Variants in PID1 observed in about 807,000 individuals in gnomAD.
The protein encoded by PID1 is PTB-containing, cubilin and LRP1-interacting protein.
In PID1, 10 loss-of-function variants were observed where a neutral mutation model predicts 19.1. The ratio of observed to expected loss-of-function variants is 0.52; its 90% confidence interval spans 0.32 to 0.89. The LOEUF (loss-of-function observed/expected upper bound fraction) is 0.89, where lower values mean the gene tolerates loss of function less well. Ranked by LOEUF, PID1 falls within the 40% of genes least tolerant of loss-of-function variation. The pLI is 0.03. For missense variants in PID1, 248 were observed against 285.3 expected (o/e 0.87, Z 0.94); for synonymous variants, 130 against 116.0 (o/e 1.12, Z -0.78).
At chr2:229,251,319 A>G (rs10498235) in intron 1 of PID1, among the ~76,000 whole-genome samples, 21,202 of 151,920 alleles carry the variant, frequency 0.14, 1,664 homozygotes, top group South Asian at 0.18. Context: ...ATGCACAGAA[A>G]GTTAACAGTG....
chr2:229,220,428 A>C (rs529751255), intron 1 of PID1, among the ~76,000 whole-genome samples: 1 of 152,324 alleles, frequency 6.6e-6, no homozygotes, highest in South Asian at 2.1e-4. Context: ...ACAGAGACCC[A>C]GAAGTTGGCC....
chr2:229,076,865 T>C (rs1478236870), intron 2 of PID1, among the ~76,000 whole-genome samples: 3 of 152,228 alleles, frequency 2.0e-5, no homozygotes, highest in South Asian at 2.1e-4. Flanking sequence ...TACGTGTGCA[T>C]GTGTCTTTAT....
chr2:229,149,835 C>G (rs558634146), intron 2 of PID1, among the ~76,000 whole-genome samples: 6 of 152,200 alleles, frequency 3.9e-5, no homozygotes, highest in African/African-American at 1.4e-4. Flanking sequence ...GCTGGTGGGA[C>G]TCTCGGCAAA....
intron 2 of PID1, among the ~76,000 whole-genome samples, chr2:229,038,028 G>A (rs1693698022): frequency 6.6e-6 from 1 of 152,098 alleles, no homozygotes; most frequent in Admixed American, 6.6e-5. Flanking sequence ...GATCACAGAA[G>A]GCACTAAACA....
chr2:229,090,442 G>C (rs1694848605), intron 2 of PID1, among the ~76,000 whole-genome samples: 1 of 152,168 alleles, frequency 6.6e-6, no homozygotes, highest in Admixed American at 6.5e-5. Flanking sequence ...TGCTTTGGCT[G>C]TGCCTCCCTG....
chr2:229,031,559 A>G (rs567195998), intron 2 of PID1, among the ~76,000 whole-genome samples: 1 of 152,292 alleles, frequency 6.6e-6, no homozygotes, highest in Admixed American at 6.5e-5. Context: ...CCTTGTCTCA[A>G]AAAAGAAAAG....
chr2:229,109,980 T>C (rs558145385), intron 2 of PID1, among the ~76,000 whole-genome samples: 6 of 152,284 alleles, frequency 3.9e-5, no homozygotes, highest in South Asian at 2.1e-4. Flanking sequence ...TACTCAGTAA[T>C]TGGAGGAGTC....
intron 1 of PID1, among the ~76,000 whole-genome samples, chr2:229,256,095 G>C (rs1227004): frequency 0.28 from 43,055 of 152,066 alleles, 7,154 homozygotes; most frequent in East Asian, 0.69. Context: ...CCAAATGAAG[G>C]AGCTGAACTA....
Position 229,046,284 on chromosome 2 carries a change from C to T in PID1, c.178-20176G>A, listed in dbSNP as rs376749313. Among the ~76,000 whole-genome samples, 15 of 151,922 alleles carry T rather than the reference C, an allele frequency of 9.9e-5. No homozygotes were observed. In the South Asian group the frequency reaches 1.9e-3, roughly 19 times the overall value. Reference sequence around the variant, plus strand: ...ATAACTAACTTCCTAAACATCTTTTCCTCCAAGGTTTTCTTGTTTTGTTTT... The same window carrying T: ...ATAACTAACTTCCTAAACATCTTTTTCTCCAAGGTTTTCTTGTTTTGTTTT... On this transcript the variant is annotated intron_variant, in intron 2 of 2. Coordinates refer to ENST00000392055, the MANE Select transcript of PID1 (RefSeq NM_001100818.2).
chr2:229,025,777 T>C lies in PID1; in HGVS notation c.509A>G (p.Glu170Gly). 1 of 1,614,246 alleles carries C rather than the reference T, an allele frequency of 6.2e-7. No homozygotes were observed. Residue 170 changes from glutamate to glycine, a missense_variant, in exon 3 of 3, where the codon GAG (glutamate) becomes GGG (glycine). Glu to Gly is a moderately conservative substitution (Grantham distance 98). Coordinates refer to ENST00000392055, the MANE Select transcript of PID1 (RefSeq NM_001100818.2). ...YQMDCHAVECESKLEAKKLAH... is the reference protein window; with the variant it reads ...YQMDCHAVECGSKLEAKKLAH... ...CAGTTTCTTGGCCTCGAGCTTGCTC[T>C]CGCACTCCACGGCGTGGCAGTCCAT...
At chr2:229,250,108 T>A (rs1690111412) in intron 1 of PID1, among the ~76,000 whole-genome samples, 2 of 152,212 alleles carry the variant, frequency 1.3e-5, no homozygotes, top group African/African-American at 4.8e-5. Flanking sequence ...TTGAGTTAAT[T>A]TGGCTTTGTT....
At chr2:229,127,589 C>T (rs1695648373) in intron 2 of PID1, among the ~76,000 whole-genome samples, 1 of 152,158 alleles carries the variant, frequency 6.6e-6, no homozygotes, top group Admixed American at 6.5e-5. Context: ...CTTGTCACTA[C>T]CGACATTTTG....
chr2:229,232,325 G>A (rs977014641), intron 1 of PID1, among the ~76,000 whole-genome samples: 5 of 150,712 alleles, frequency 3.3e-5, no homozygotes, highest in Non-Finnish European at 5.9e-5. Flanking sequence ...CCAGCTACTC[G>A]GGAGGTTGAG....
intron 2 of PID1, among the ~76,000 whole-genome samples, chr2:229,081,619 G>A (rs193123806): frequency 6.6e-6 from 1 of 152,278 alleles, no homozygotes; most frequent in African/African-American, 2.4e-5. Flanking sequence ...CAAAGAGAAG[G>A]TGCAATATGA....
intron 2 of PID1, among the ~76,000 whole-genome samples, chr2:229,040,359 T>C (rs1306171946): frequency 1.3e-5 from 2 of 151,870 alleles, no homozygotes; most frequent in African/African-American, 2.4e-5. Context: ...TAAAAAAAAT[T>C]GTTTTGTGTA....
chr2:229,143,218 G>T, intron 2 of PID1, among the ~76,000 whole-genome samples: 1 of 128,844 alleles, frequency 7.8e-6, no homozygotes, highest in Non-Finnish European at 1.6e-5. Context: ...AGGGGGGAGG[G>T]ATAGCTTTAG....
intron 2 of PID1, among the ~76,000 whole-genome samples, chr2:229,111,047 G>A (rs761531726): frequency 3.3e-5 from 5 of 152,112 alleles, no homozygotes; most frequent in African/African-American, 4.8e-5. Context: ...CTTTTATAAG[G>A]GGTTTCCCCT....
intron 1 of PID1, among the ~76,000 whole-genome samples, chr2:229,191,697 T>C (rs901657936): frequency 6.6e-6 from 1 of 152,212 alleles, no homozygotes; most frequent in Non-Finnish European, 1.5e-5. Context: ...TGCTATGCAA[T>C]ATGTGAATCA....
At chr2:229,112,028 G>A (rs1695307556) in intron 2 of PID1, among the ~76,000 whole-genome samples, 1 of 152,208 alleles carries the variant, frequency 6.6e-6, no homozygotes. Flanking sequence ...AAAATCTTCA[G>A]AGCTGCACGA....
Sources: allele counts gnomAD v4.1 joint callset (sites outside exome capture counted in the v4.1 genomes callset), GRCh38; gene constraint gnomAD v4.1.1; transcripts MANE v1.5; gene names NCBI Gene and HGNC (gene_info 2026-07-23, HGNC 2026-07-21).